Variants in UGGT2 observed in about 807,000 individuals in gnomAD.
The protein encoded by UGGT2 is UDP-glucose:glycoprotein glucosyltransferase 2.
UGGT2 carries 180 observed loss-of-function variants against 192.1 expected under a neutral mutation model. The observed-to-expected ratio is 0.94, with a 90% CI of 0.83 to 1.06. The LOEUF is 1.06. Ranked by LOEUF, UGGT2 falls within the 50% of genes least tolerant of loss-of-function variation. UGGT2 has a pLI of 0.00. For missense variants in UGGT2, 1,849 were observed against 1,795.7 expected (o/e 1.03, Z -0.54); for synonymous variants, 580 against 591.0 (o/e 0.98, Z 0.27).
At chr13:95,807,658 G>A (rs1397147837) in intron 38 of UGGT2, among the ~76,000 whole-genome samples, 1 of 136,766 alleles carries the variant, frequency 7.3e-6, no homozygotes, top group African/African-American at 2.8e-5. Flanking sequence ...CTGGTGTGGT[G>A]TCTTCTAGCT....
At chr13:96,044,962 G>T (rs1392568737) in intron 1 of UGGT2, among the ~76,000 whole-genome samples, 2 of 152,086 alleles carry the variant, frequency 1.3e-5, no homozygotes, top group Non-Finnish European at 2.9e-5. Flanking sequence ...CCACGAGACA[G>T]AAAGAGGGAA....
intron 38 of UGGT2, among the ~76,000 whole-genome samples, chr13:95,803,941 C>T (rs1243090337): frequency 6.6e-6 from 1 of 151,922 alleles, no homozygotes; most frequent in Non-Finnish European, 1.5e-5. Flanking sequence ...AAGCAATATT[C>T]AAAACAGTTC....
Position 95,863,646 on chromosome 13 carries a change from C to T in UGGT2, c.3627G>A (p.Leu1209=), listed in dbSNP as rs1890365590. ...LTDEDEKTKG[L]WDSIKSFTVS... ...GTAATTACCTTTTAATGGAATCCCACAGTCCTTTTGTTTTTTCATCTTCAT... is the reference window on the plus strand; with the variant it reads ...GTAATTACCTTTTAATGGAATCCCATAGTCCTTTTGTTTTTTCATCTTCAT... The change falls in exon 31 of 39, where the codon CTG becomes CTA. Residue 1209 remains leucine (L), a synonymous_variant. Transcript: ENST00000376747. 1 of 1,611,124 alleles carries T rather than the reference C, an allele frequency of 6.2e-7. No homozygotes were observed. The highest frequency in any genetic ancestry group is 8.5e-7 in the Non-Finnish European group (1 of 1,177,732).
intron 38 of UGGT2, among the ~76,000 whole-genome samples, chr13:95,818,991 CT>C (rs915037290): frequency 4.6e-5 from 7 of 152,116 alleles, no homozygotes; most frequent in African/African-American, 1.7e-4. Context: ...TAGGATCCTC[CT>C]GTGCTCCAAG....
In UGGT2 at chr13:95,881,901, T is replaced by TCTCA. The variant is rs2047505804; in HGVS notation, c.3228+2586_3228+2589dup. ...TCTGAACTCCAGGTAAAAGTAACTG[T>TCTCA]CTCACTTTTAGCTTTTTTTTTTTTT... is the stretch of plus-strand genomic sequence containing the variant. On this transcript the variant is annotated intron_variant, in intron 27 of 38. Coordinates refer to ENST00000376747, the MANE Select transcript of UGGT2 (RefSeq NM_020121.4). 2.0e-5 allele frequency among the ~76,000 whole-genome samples: 3 copies of TCTCA among 147,428 alleles called. No homozygotes were observed. The Admixed American group carries it at 2.0e-4, about 10-fold the overall frequency.
At chr13:95,949,666 C>T (rs746643726) in intron 12 of UGGT2, among the ~76,000 whole-genome samples, 18 of 152,140 alleles carry the variant, frequency 1.2e-4, no homozygotes, top group Non-Finnish European at 2.2e-4. Flanking sequence ...TAAGCCTTCT[C>T]TCAAAAACAA....
At chr13:95,812,938 C>A (rs779009798) in intron 38 of UGGT2, among the ~76,000 whole-genome samples, 3 of 152,156 alleles carry the variant, frequency 2.0e-5, no homozygotes, top group Admixed American at 6.6e-5. Context: ...TTGAACTATA[C>A]ATTTTGATCG....
chr13:95,818,567 A>G (rs1885160755), intron 38 of UGGT2, among the ~76,000 whole-genome samples: 1 of 152,128 alleles, frequency 6.6e-6, no homozygotes, highest in Non-Finnish European at 1.5e-5. Flanking sequence ...TATGGAAGAG[A>G]AACATGTTAA....
At chr13:95,840,859 T>TA (rs751209486) in intron 36 of UGGT2, among the ~76,000 whole-genome samples, 17 of 152,322 alleles carry the variant, frequency 1.1e-4, no homozygotes, top group Non-Finnish European at 2.5e-4. Flanking sequence ...TACCATGGAA[T>TA]ACTATGCAGC....
At chr13:95,929,053 G>A (rs1939943383) in intron 17 of UGGT2, among the ~76,000 whole-genome samples, 1 of 152,138 alleles carries the variant, frequency 6.6e-6, no homozygotes, top group Admixed American at 6.5e-5. Flanking sequence ...AACCAGTCAG[G>A]CGTGGCGGCG....
chr13:95,962,134 G>T (rs1265744897), intron 12 of UGGT2, among the ~76,000 whole-genome samples: 2 of 151,840 alleles, frequency 1.3e-5, no homozygotes, highest in Non-Finnish European at 2.9e-5. Flanking sequence ...TCAAAAAGGA[G>T]AAAGATTCAA....
chr13:95,967,456 C>T (rs920428892), intron 12 of UGGT2, among the ~76,000 whole-genome samples: 10 of 144,150 alleles, frequency 6.9e-5, no homozygotes, highest in African/African-American at 2.6e-4. Context: ...CCAGCCCCCA[C>T]GCGCACCCCC....
rs369969777 is a variant in UGGT2, at chr13:95,927,196, G to A, written c.2101+17C>T. ...CAACTCAATAAACATTTGTAGAACA[G>A]TATAGGATTATTTTACCTGATGTAG... On this transcript the variant is annotated intron_variant, in intron 18 of 38. Coordinates refer to ENST00000376747, the MANE Select transcript of UGGT2 (RefSeq NM_020121.4). 72 of 1,610,950 alleles carry A rather than the reference G, an allele frequency of 4.5e-5. No individual in the cohort carries two copies. The highest frequency in any genetic ancestry group is 6.1e-5 in the Non-Finnish European group (72 of 1,178,460).
At chr13:95,976,174 T>C (rs1405490528) in intron 10 of UGGT2, among the ~76,000 whole-genome samples, 1 of 152,178 alleles carries the variant, frequency 6.6e-6, no homozygotes, top group Non-Finnish European at 1.5e-5. Context: ...ATATGAGTAA[T>C]AACTTGTAGT....
chr13:95,950,318 C>G (rs1758135412), intron 12 of UGGT2, among the ~76,000 whole-genome samples: 2 of 152,050 alleles, frequency 1.3e-5, no homozygotes, highest in Non-Finnish European at 2.9e-5. Flanking sequence ...ACTGAGAAGA[C>G]AGAGACCAAA....
chr13:95,826,520 A>G (rs1195670705), intron 38 of UGGT2, among the ~76,000 whole-genome samples: 1 of 152,132 alleles, frequency 6.6e-6, no homozygotes, highest in Non-Finnish European at 1.5e-5. Flanking sequence ...ATTCAGTATG[A>G]TCATGGGAAA....
At chr13:96,027,393 G>C (rs2052701504) in intron 2 of UGGT2, among the ~76,000 whole-genome samples, 1 of 152,144 alleles carries the variant, frequency 6.6e-6, no homozygotes, top group Non-Finnish European at 1.5e-5. Flanking sequence ...TCTCTATTAT[G>C]AAATGGATGC....
At chr13:95,861,278 T>C (rs916089142) in intron 31 of UGGT2, among the ~76,000 whole-genome samples, 19 of 152,120 alleles carry the variant, frequency 1.2e-4, no homozygotes, top group African/African-American at 4.6e-4. Flanking sequence ...AGCAAGAATT[T>C]ATGTGGTAAC....
At chr13:95,975,638 T>C (rs1306279275) in intron 10 of UGGT2, among the ~76,000 whole-genome samples, 1 of 152,318 alleles carries the variant, frequency 6.6e-6, no homozygotes, top group African/African-American at 2.4e-5. Flanking sequence ...CCATTTATTC[T>C]AATATGTCTC....
Sources: gnomAD v4.1 joint callset for allele counts (sites outside exome capture counted in the v4.1 genomes callset) on GRCh38, gnomAD v4.1.1 for gene constraint, MANE v1.5 for transcripts, NCBI Gene and HGNC (gene_info 2026-07-23, HGNC 2026-07-21) for gene names.